The following IL17D variants were observed in gnomAD, a reference collection of about 807,000 sequenced individuals.
IL17D encodes interleukin 17D, also known as interleukin-17D.
Under a neutral mutation model 5.7 loss-of-function variants are expected in IL17D, and 10 were observed. The ratio of observed to expected loss-of-function variants is 1.75; its 90% CI spans 1.08 to 2.97. The LOEUF (loss-of-function observed/expected upper bound fraction) is 2.97. Ranked by LOEUF, IL17D falls within the 30% of genes most tolerant of loss-of-function variation. IL17D has a pLI of 0.00. For missense variants in IL17D, 354 were observed against 292.7 expected (o/e 1.21, Z -1.53); for synonymous variants, 172 against 141.7 (o/e 1.21, Z -1.52).
At chr13:20,721,568 C>G (rs2058734838) in intron 1 of IL17D, 68 bp from the exon 2 acceptor site, 1 of 1,394,328 alleles carries the variant, frequency 7.2e-7, no homozygotes, top group South Asian at 1.4e-5. Context: ...GTGACTCTAA[C>G]CAGGGATTTC....
At position 20,704,221 on chromosome 13, in the gene IL17D, G is replaced by A; in HGVS notation, c.220G>A (p.Gly74Arg). The A allele has an allele frequency of 2.2e-6, 3 of 1,362,944 alleles. No individual in the cohort carries two copies. Among genetic ancestry groups the A allele is most frequent in the Non-Finnish European group, 2.8e-6 (3 of 1,054,278 alleles). The allele number at this position is 1,362,944 out of a possible 1,614,324, so 84.4% of individuals were successfully genotyped here. The change falls in exon 1 of 2, where the codon GGG becomes AGG. Residue 74 changes from glycine to arginine, a missense_variant. Gly to Arg is a moderately radical substitution (Grantham distance 125). Transcript: ENST00000682841. ...GGCGCGCAACGCGAGCTGCCCGGCA[G>A]GGGGCAGGCCCGCCGACCGCCGCTT... ...EQARNASCPA[G>R]GRPADRRFRP...
In IL17D at chr13:20,704,269, AG is replaced by A; in HGVS notation, c.269del (p.Ser90ThrfsTer31). On this transcript the variant is annotated frameshift_variant, in exon 1 of 2. Coordinates refer to ENST00000682841, the MANE Select transcript of IL17D (RefSeq NM_001385224.1). LOFTEE classifies it high-confidence loss of function. ...CTTCCGGCCGCCCACCAACCTGCGC[AG>A]CGTGTCGCCCTGGGCCTACAGGTGA... The part of the protein sequence containing the change: ...RRFRPPTNLR[S>X]VSPWAYRISY... The A allele has an allele frequency of 8.2e-7, 1 of 1,226,964 alleles. No individual in the cohort carries two copies. Among genetic ancestry groups the A allele is most frequent in the Non-Finnish European group, 1.0e-6 (1 of 984,678 alleles). The allele number at this position is 1,226,964 out of a possible 1,614,324, so 76.0% of individuals were successfully genotyped here.
rs1445498982 is a variant in IL17D, at chr13:20,716,666, A to G, written c.291-4970A>G. Among the ~76,000 whole-genome samples the G allele has an allele frequency of 3.3e-5, 5 of 152,160 alleles. No individual in the cohort carries two copies. Among genetic ancestry groups the G allele is most frequent in the South Asian group, 2.1e-4 (1 of 4,820 alleles). On this transcript the variant is annotated intron_variant, in intron 1 of 1. Transcript: ENST00000682841. This position sits in a 1 kb window ranked among gnomAD's most constrained non-coding sequence, Gnocchi z 4.2. ...TGGCTGCATCCTCCCCTTTTAAGAG[A>G]GTCTGCTGGGTTGAACTCATTGACC...
Position 20,704,305 on chromosome 13 carries a change from G to T in IL17D, c.290+14G>T. The T allele has an allele frequency of 8.3e-7, 1 of 1,198,166 alleles. No homozygotes were observed. The highest frequency in any genetic ancestry group is 3.5e-5 in the South Asian group (1 of 28,964). 74.2% of individuals were successfully genotyped at this position (1,198,166 alleles called of 1,614,324 possible). A position where few individuals can be genotyped will look rare whatever the true frequency, so the allele number is the denominator to read the frequency against. ...CTGGGCCTACAGGTGAGCCGCGGGCGCGTCCTGGCGGGGCCCGGCAGGTGG... is the reference window on the plus strand; with the variant it reads ...CTGGGCCTACAGGTGAGCCGCGGGCTCGTCCTGGCGGGGCCCGGCAGGTGG... On this transcript the variant is annotated intron_variant, in intron 1 of 1. Transcript: ENST00000682841.
rs1287722141 is a variant in IL17D at position 20,718,555 on chromosome 13, CCA to C, written c.291-3076_291-3075del. Among the ~76,000 whole-genome samples the C allele has an allele frequency of 4.3e-5, 6 of 139,876 alleles. No individual in the cohort carries two copies. In the Admixed American group the frequency reaches 4.3e-4, roughly 10 times the overall value. The allele number at this position is 139,876 out of a possible 152,430, so 91.8% of individuals were successfully genotyped here. A position where few individuals can be genotyped will look rare whatever the true frequency, so the allele number is the denominator to read the frequency against. On this transcript the variant is annotated intron_variant, in intron 1 of 1. Transcript: ENST00000682841. ...CACACACCCGCCCATGCTCACACAC[CCA>C]CACATACCTGCCCATGCTCACACCT...
chr13:20,704,199 G>A lies in IL17D; in HGVS notation c.198G>A (p.Ala66=). ...HTLQLGPREQ[A]RNASCPAGGR... ...TGCAGCTGGGGCCGCGTGAGCAGGC[G>A]CGCAACGCGAGCTGCCCGGCAGGGG... Residue 66 remains alanine (A), a synonymous_variant, in exon 1 of 2, where the codon GCG becomes GCA. Transcript: ENST00000682841. 2.9e-6 allele frequency: 4 copies of A among 1,372,268 alleles called. No individual in the cohort carries two copies. The highest frequency in any genetic ancestry group is 1.5e-5 in the South Asian group (1 of 66,860). The allele number at this position is 1,372,268 out of a possible 1,614,324, so 85.0% of individuals were successfully genotyped here.
intron 1 of IL17D, among the ~76,000 whole-genome samples, chr13:20,704,870 C>T (rs1364670937): frequency 6.6e-6 from 1 of 152,076 alleles, no homozygotes; most frequent in Non-Finnish European, 1.5e-5. Context: ...GAGTGGAGCC[C>T]TGGGAAGCGC....
intron 1 of IL17D, among the ~76,000 whole-genome samples, chr13:20,705,938 T>C (rs2058588949): frequency 6.6e-6 from 1 of 152,128 alleles, no homozygotes; most frequent in Non-Finnish European, 1.5e-5. Context: ...ATGTGATGAT[T>C]TTGTCTAAAA....
In IL17D at chr13:20,723,057, AGT is replaced by A. The variant is rs1361633589; in HGVS notation, c.*1104_*1105del. The A allele has an allele frequency of 1.9e-4, 29 of 152,324 alleles. No individual in the cohort carries two copies. The highest frequency in any genetic ancestry group is 7.0e-4 in the African/African-American group (29 of 41,566). The allele number at this position is 152,324 out of a possible 1,614,324, so 9.4% of individuals were successfully genotyped here. ...CTGAACACAATTATTTGTAAAAGTT[AGT>A]AGTTCTTTTTTAAATCATTAAAAGA... is the stretch of plus-strand genomic sequence containing the variant. On this transcript the variant is annotated 3_prime_UTR_variant, in exon 2 of 2. Coordinates refer to ENST00000682841, the MANE Select transcript of IL17D (RefSeq NM_001385224.1).
At position 20,722,456 on chromosome 13, in the gene IL17D, T is replaced by G. The variant is rs1161541956; in HGVS notation, c.*502T>G. The G allele has an allele frequency of 6.5e-6, 1 of 152,786 alleles. No individual in the cohort carries two copies. Among genetic ancestry groups the G allele is most frequent in the East Asian group, 1.9e-4 (1 of 5,210 alleles). The allele number at this position is 152,786 out of a possible 1,614,324, so 9.5% of individuals were successfully genotyped here. A position where few individuals can be genotyped will look rare whatever the true frequency, so the allele number is the denominator to read the frequency against. ...TCAAATGAGAGCTACTCTGTTACAT[T>G]TCTTAACATATAAACATCGTTTTTT... On this transcript the variant is annotated 3_prime_UTR_variant, in exon 2 of 2. Transcript: ENST00000682841.
At position 20,721,980 on chromosome 13, in the gene IL17D, C is replaced by A; in HGVS notation, c.*26C>A. The A allele has an allele frequency of 6.5e-7, 1 of 1,534,320 alleles. No individual in the cohort carries two copies. Among genetic ancestry groups the A allele is most frequent in the Non-Finnish European group, 8.7e-7 (1 of 1,147,164 alleles). On this transcript the variant is annotated 3_prime_UTR_variant, in exon 2 of 2. Coordinates refer to ENST00000682841, the MANE Select transcript of IL17D (RefSeq NM_001385224.1). ...GGCCGGTCCTGCCCCGGGAGGTCTC[C>A]CCGGCCCGCATCCCGAGGCGCCCAA...
chr13:20,704,177 A>T lies in IL17D; in HGVS notation c.176A>T (p.Gln59Leu). Reference protein sequence around the residue: ...GVLSAFHHTLQLGPREQARNA... With the variant: ...GVLSAFHHTLLLGPREQARNA... ...CTCAGTGCCTTCCACCACACGCTGC[A>T]GCTGGGGCCGCGTGAGCAGGCGCGC... Residue 59 changes from glutamine to leucine, a missense_variant, in exon 1 of 2, where the codon CAG becomes CTG. By Grantham distance (113) the Gln-to-Leu change is moderately radical. Coordinates refer to ENST00000682841, the MANE Select transcript of IL17D (RefSeq NM_001385224.1). 7.3e-7 allele frequency: 1 copy of T among 1,372,546 alleles called. No individual in the cohort carries two copies. Among genetic ancestry groups the T allele is most frequent in the Non-Finnish European group, 9.5e-7 (1 of 1,056,280 alleles). 85.0% of individuals were successfully genotyped at this position (1,372,546 alleles called of 1,614,324 possible). A position where few individuals can be genotyped will look rare whatever the true frequency, so the allele number is the denominator to read the frequency against.
chr13:20,717,745 G>A (rs868236465), intron 1 of IL17D, among the ~76,000 whole-genome samples: 1 of 152,162 alleles, frequency 6.6e-6, no homozygotes, highest in Non-Finnish European at 1.5e-5. Flanking sequence ...CATGGCCCAC[G>A]CAGCCATGGG....
At chr13:20,720,858 G>T (rs1399023860) in intron 1 of IL17D, among the ~76,000 whole-genome samples, 2 of 140,098 alleles carry the variant, frequency 1.4e-5, no homozygotes, top group Admixed American at 1.4e-4. Flanking sequence ...TCCTACACCA[G>T]ACCACCTCCC....
At chr13:20,719,659 T>C (rs1332902817) in intron 1 of IL17D, among the ~76,000 whole-genome samples, 1 of 152,216 alleles carries the variant, frequency 6.6e-6, no homozygotes, top group Non-Finnish European at 1.5e-5. Context: ...AATGTCAGCA[T>C]CATCACTCAG....
chr13:20,721,534 G>GGACA (rs2058734455), intron 1 of IL17D, 102 bp from the exon 2 acceptor site: 1 of 965,118 alleles, frequency 1.0e-6, no homozygotes, highest in Admixed American at 2.9e-5. Flanking sequence ...GCGGAGGACA[G>GGACA]GACAGTCCCC....
Position 20,721,915 on chromosome 13 carries a change from G to T in IL17D, c.570G>T (p.Lys190Asn). Residue 190 changes from lysine (K) to asparagine (N), a missense_variant, in exon 2 of 2, where the codon AAG becomes AAT. Coordinates refer to ENST00000682841, the MANE Select transcript of IL17D (RefSeq NM_001385224.1). ...INSSIDKQGA[K>N]LLLGPNDAPA... ...CCAGCATCGACAAACAGGGCGCCAAGCTCCTGCTGGGCCCCAACGACGCGC... is the reference window on the plus strand; with the variant it reads ...CCAGCATCGACAAACAGGGCGCCAATCTCCTGCTGGGCCCCAACGACGCGC... 6.2e-7 allele frequency: 1 copy of T among 1,604,968 alleles called. No homozygotes were observed. The highest frequency in any genetic ancestry group is 1.1e-5 in the South Asian group (1 of 90,880).
intron 1 of IL17D, among the ~76,000 whole-genome samples, chr13:20,715,295 A>G (rs1218327124): frequency 2.6e-5 from 4 of 152,058 alleles, no homozygotes; most frequent in Non-Finnish European, 5.9e-5. Flanking sequence ...TATTTTTTAT[A>G]AGCTCATTTG....
At chr13:20,711,530 G>C (rs1220333569) in intron 1 of IL17D, among the ~76,000 whole-genome samples, 2 of 152,148 alleles carry the variant, frequency 1.3e-5, no homozygotes, top group African/African-American at 4.8e-5. Flanking sequence ...GCTGTTGGAG[G>C]GACACAGACC....
Sources: allele counts gnomAD v4.1 joint callset (sites outside exome capture counted in the v4.1 genomes callset), GRCh38; gene constraint gnomAD v4.1.1; non-coding constraint Gnocchi (gnomAD v3.1); transcripts MANE v1.5; gene names NCBI Gene and HGNC (gene_info 2026-07-23, HGNC 2026-07-21).